DLGAP2: variants seen among roughly 807,000 people sequenced by gnomAD.
DLGAP2 encodes the protein DLG associated protein 2.
Under a neutral mutation model 100.3 loss-of-function variants are expected in DLGAP2, and 26 were observed. The observed-to-expected ratio is 0.26, with a 90% confidence interval of 0.19 to 0.36. The LOEUF (loss-of-function observed/expected upper bound fraction) is 0.36. DLGAP2 is among the 10% of genes least tolerant of loss of function. The pLI, the probability that DLGAP2 is intolerant of heterozygous loss-of-function variation, is 1.00. For synonymous variants in DLGAP2, 886 were observed against 630.1 expected (o/e 1.41, Z -6.08); for missense variants, 1,858 against 1,453.2 (o/e 1.28, Z -4.53).
In DLGAP2 at chr8:1,294,888, C is replaced by G. The variant is rs78286090; in HGVS notation, c.106+36005C>G. Among the ~76,000 whole-genome samples, 185 of 145,186 alleles carry G rather than the reference C, an allele frequency of 1.3e-3. 6 individuals are homozygous for G. The highest frequency in any genetic ancestry group is 4.8e-4 in the Non-Finnish European group (32 of 66,414). On this transcript the variant is annotated intron_variant, in intron 3 of 14. Coordinates refer to ENST00000637795, the MANE Select transcript of DLGAP2 (RefSeq NM_001346810.2). Reference sequence around the variant, plus strand: ...TGTCTCAAAACAAAAAAAAACAAAACTTTTTTTTTTAAGTTACTAATTTTG... The same window carrying G: ...TGTCTCAAAACAAAAAAAAACAAAAGTTTTTTTTTTAAGTTACTAATTTTG...
chr8:1,150,541 G>A (rs1006717526), intron 2 of DLGAP2, among the ~76,000 whole-genome samples: 1 of 152,194 alleles, frequency 6.6e-6, no homozygotes, highest in Non-Finnish European at 1.5e-5. Flanking sequence ...TTCCCCTTGG[G>A]ACAGAGACGA....
At chr8:1,364,052 C>T (rs146821882) in intron 3 of DLGAP2, among the ~76,000 whole-genome samples, 72 of 152,300 alleles carry the variant, frequency 4.7e-4, no homozygotes, top group African/African-American at 1.7e-3. Context: ...ATATGGGGGT[C>T]TTCCTCACTC....
At chr8:1,550,834 C>T (rs547296576) in intron 5 of DLGAP2, among the ~76,000 whole-genome samples, 1 of 152,202 alleles carries the variant, frequency 6.6e-6, no homozygotes, top group Non-Finnish European at 1.5e-5. Flanking sequence ...TTCCATCAGT[C>T]GATAGCGCTG....
intron 8 of DLGAP2, among the ~76,000 whole-genome samples, chr8:1,639,618 AATGGTCACAAGCCCT>A (rs11274773): frequency 0.065 from 9,900 of 152,252 alleles, 394 homozygotes; most frequent in African/African-American, 0.11. Flanking sequence ...CAGCTGTAAA[AATGGTCACAAGCCCT>A]ATGGTCTCCA....
chr8:1,482,023 G>A (rs1030527376), intron 3 of DLGAP2, among the ~76,000 whole-genome samples: 1 of 152,186 alleles, frequency 6.6e-6, no homozygotes, highest in Non-Finnish European at 1.5e-5. Flanking sequence ...TGTGTTCCTC[G>A]GGGGAAAGTT....
At chr8:871,424 G>A (rs977495026) in intron 1 of DLGAP2, among the ~76,000 whole-genome samples, 1 of 152,178 alleles carries the variant, frequency 6.6e-6, no homozygotes, top group Non-Finnish European at 1.5e-5. Context: ...TCCTGCTTCT[G>A]AGTCCACCGT....
At chr8:1,080,724 C>T (rs1803779384) in intron 2 of DLGAP2, among the ~76,000 whole-genome samples, 1 of 152,134 alleles carries the variant, frequency 6.6e-6, no homozygotes, top group South Asian at 2.1e-4. Context: ...CATCTGGATC[C>T]TAGTGGCTGT....
intron 2 of DLGAP2, among the ~76,000 whole-genome samples, chr8:1,228,795 A>G (rs758746750): frequency 1.4e-4 from 21 of 152,224 alleles, no homozygotes; most frequent in African/African-American, 1.9e-4. Context: ...TTAAAATAAC[A>G]TATACGAACA....
intron 3 of DLGAP2, among the ~76,000 whole-genome samples, chr8:1,342,951 TGTAGCCTCTGGCACATGGTC>T (rs1801452707): frequency 6.8e-6 from 1 of 147,054 alleles, no homozygotes; most frequent in Non-Finnish European, 1.5e-5. Context: ...TTTCCGTAAT[TGTAGCCTCTGGCACATGGTC>T]GTGCATGGGT....
intron 1 of DLGAP2, among the ~76,000 whole-genome samples, chr8:893,333 A>G (rs1798074862): frequency 6.6e-6 from 1 of 152,140 alleles, no homozygotes; most frequent in Non-Finnish European, 1.5e-5. Context: ...AAGACCCTGA[A>G]CTGCTGGGTG....
intron 2 of DLGAP2, among the ~76,000 whole-genome samples, chr8:1,103,233 G>C (rs908292337): frequency 6.6e-6 from 1 of 152,170 alleles, no homozygotes; most frequent in South Asian, 2.1e-4. Flanking sequence ...GCGTCGTCTG[G>C]GGGTGTTTGG....
rs569121145 is a variant in DLGAP2, at chr8:810,992, T to C, written c.18+73167T>C. On this transcript the variant is annotated intron_variant, in intron 1 of 14. Coordinates refer to ENST00000637795, the MANE Select transcript of DLGAP2 (RefSeq NM_001346810.2). ...GCGTACGGCGGGGTGAACTTGAGGC[T>C]GTGAGCTTGGATGGCCACCGTGTAG... Among the ~76,000 whole-genome samples the C allele has an allele frequency of 4.5e-3, 687 of 152,256 alleles. 1 individual carries two copies. Among genetic ancestry groups the C allele is most frequent in the Non-Finnish European group, 7.3e-3 (499 of 68,010 alleles).
intron 1 of DLGAP2, among the ~76,000 whole-genome samples, chr8:904,489 C>T (rs1798334148): frequency 6.6e-6 from 1 of 152,204 alleles, no homozygotes. Context: ...CACTGCACTC[C>T]AGCCTGGGCG....
chr8:1,326,283 T>G (rs1238239533), intron 3 of DLGAP2, among the ~76,000 whole-genome samples: 3 of 152,244 alleles, frequency 2.0e-5, no homozygotes, highest in Non-Finnish European at 4.4e-5. Flanking sequence ...TTAGACAATC[T>G]GTATTTCACT....
At chr8:1,416,972 TG>T (rs1362175164) in intron 3 of DLGAP2, among the ~76,000 whole-genome samples, 1 of 152,054 alleles carries the variant, frequency 6.6e-6, no homozygotes, top group African/African-American at 2.4e-5. Context: ...AGTGCGGCTG[TG>T]GCATTGAGAC....
intron 4 of DLGAP2, among the ~76,000 whole-genome samples, chr8:1,531,239 TGC>T (rs1491194599): frequency 0.059 from 8,345 of 140,888 alleles, 258 homozygotes; most frequent in Middle Eastern, 0.096. Context: ...AGAGAGCGTG[TGC>T]GTGTGTGTGT....
At chr8:1,006,081 C>G (rs747345261) in intron 2 of DLGAP2, among the ~76,000 whole-genome samples, 2 of 152,038 alleles carry the variant, frequency 1.3e-5, no homozygotes, top group South Asian at 4.1e-4. Flanking sequence ...CACAGGTACT[C>G]GGGAGGCTGA....
Position 1,548,816 on chromosome 8 carries a change from G to GCTGAGCC in DLGAP2, c.365_371dup (p.Ala125GlufsTer233). On this transcript the variant is annotated frameshift_variant, in exon 5 of 15. Coordinates refer to ENST00000637795, the MANE Select transcript of DLGAP2 (RefSeq NM_001346810.2). LOFTEE classifies it high-confidence loss of function. ...GGCCCGACGCGCGGCCGCCCTACCTGCTGAGCCCCGCCGACAGCTGCCCCG... is the reference window on the plus strand; with the variant it reads ...GGCCCGACGCGCGGCCGCCCTACCTGCTGAGCCCTGAGCCCCGCCGACAGCTGCCCCG... 1 of 1,580,034 alleles carries GCTGAGCC rather than the reference G, an allele frequency of 6.3e-7. No homozygotes were observed.
intron 3 of DLGAP2, among the ~76,000 whole-genome samples, chr8:1,342,451 A>T (rs1210262656): frequency 6.6e-6 from 1 of 152,182 alleles, no homozygotes; most frequent in African/African-American, 2.4e-5. Flanking sequence ...GTTGTTATTG[A>T]ATGGTACCGA....
Sources: gnomAD v4.1 joint callset for allele counts (sites outside exome capture counted in the v4.1 genomes callset) on GRCh38, gnomAD v4.1.1 for gene constraint, MANE v1.5 for transcripts, NCBI Gene and HGNC (gene_info 2026-07-23, HGNC 2026-07-21) for gene names.